Variants in MAX observed in about 807,000 individuals in gnomAD.
MAX encodes protein max.
Under a neutral mutation model 22.3 loss-of-function variants are expected in MAX, and 3 were observed. The ratio of observed to expected loss-of-function variants is 0.13; its 90% CI spans 0.06 to 0.35. MAX has a LOEUF of 0.35. MAX is among the 10% of genes least tolerant of loss of function. The pLI is 1.00. For missense variants in MAX, 119 were observed against 209.4 expected (o/e 0.57, Z 2.66); for synonymous variants, 72 against 77.7 (o/e 0.93, Z 0.39).
chr14:65,027,305 A>T lies in MAX; in HGVS notation c.172-21021T>A, dbSNP rs2062001355. 1 of 1,227,494 alleles carries T rather than the reference A, an allele frequency of 8.1e-7. No homozygotes were observed. The highest frequency in any genetic ancestry group is 1.5e-5 in the African/African-American group (1 of 66,386). The allele number at this position is 1,227,494 out of a possible 1,614,324, so 76.0% of individuals were successfully genotyped here. On this transcript the variant is annotated intron_variant, in intron 3 of 3. Transcript: ENST00000341653. This position sits in a 1 kb window ranked among gnomAD's most constrained non-coding sequence, Gnocchi z 5.7. ...AGAGAGAATTAAGCCCTTTGGGGAG[A>T]GGTTATATTCAACAAGTGGGAGGAG...
Position 65,077,733 on chromosome 14 carries a change from GC to G in MAX, c.295+179del. On this transcript the variant is annotated intron_variant, in intron 4 of 4. Coordinates refer to ENST00000358664, the MANE Select transcript of MAX (RefSeq NM_002382.5). The surrounding 1 kb of genome is among the most constrained non-coding windows in gnomAD (Gnocchi z 6.3). ...TAGCTTCCACTGTCTCCTCACTGGC[GC>G]CTCAGGTCCTTCCTCAGGACGGCTC... 6.2e-7 allele frequency: 1 copy of G among 1,602,264 alleles called. No homozygotes were observed. The highest frequency in any genetic ancestry group is 8.5e-7 in the Non-Finnish European group (1 of 1,175,548).
chr14:65,020,446 T>G (rs1056806739), intron 3 of MAX, among the ~76,000 whole-genome samples: 3 of 152,012 alleles, frequency 2.0e-5, no homozygotes, highest in Non-Finnish European at 2.9e-5. Context: ...TCTTTTTTTT[T>G]TGAGAGTCTC....
Position 65,032,478 on chromosome 14 carries a change from C to T in MAX, c.172-26194G>A, listed in dbSNP as rs1278866593. ...TCAGTTGGAGACCCAGGAGGACTGA[C>T]CGTGTGCCAAGAGTGAGGACAGGAG... On this transcript the variant is annotated intron_variant, in intron 3 of 3. Coordinates refer to the MAX transcript ENST00000341653. The surrounding 1 kb of genome is among the most constrained non-coding windows in gnomAD (Gnocchi z 5.0). 4 of 856,802 alleles carry T rather than the reference C, an allele frequency of 4.7e-6. No homozygotes were observed. Among genetic ancestry groups the T allele is most frequent in the Non-Finnish European group, 6.9e-6 (4 of 581,754 alleles). 53.1% of individuals were successfully genotyped at this position (856,802 alleles called of 1,614,324 possible).
Position 65,054,660 on chromosome 14 carries a change from G to A in MAX, c.171+39048C>T, listed in dbSNP as rs147425358. The A allele has an allele frequency of 2.5e-5, 40 of 1,612,916 alleles. No homozygotes were observed. The highest frequency in any genetic ancestry group is 6.7e-5 in the Admixed American group (4 of 59,916). On this transcript the variant is annotated intron_variant, in intron 3 of 3. Transcript: ENST00000341653. The surrounding 1 kb of genome is among the most constrained non-coding windows in gnomAD (Gnocchi z 4.4). ...CGGCAGCGGAGCCATGTTGCATGAT[G>A]TGGTCCTGGGTGTGCCCGAAAACGC...
chr14:65,085,287 CT>C (rs1164666933), intron 3 of MAX, among the ~76,000 whole-genome samples: 1 of 152,120 alleles, frequency 6.6e-6, no homozygotes, highest in Non-Finnish European at 1.5e-5. Flanking sequence ...TGCTAAATTT[CT>C]GTTGGGCAGC....
At chr14:65,064,782 T>C (rs1468949961) in intron 3 of MAX, among the ~76,000 whole-genome samples, 1 of 152,180 alleles carries the variant, frequency 6.6e-6, no homozygotes, top group African/African-American at 2.4e-5. Context: ...CAAATTAGGA[T>C]TGTTGCCAAA....
chr14:65,101,669 C>A (rs1352147877), intron 1 of MAX, 97 bp from the exon 2 acceptor site: 3 of 966,086 alleles, frequency 3.1e-6, no homozygotes, highest in Non-Finnish European at 4.8e-6. Context: ...GCAGAGGAAG[C>A]GGAGGGTGGG....
At chr14:65,063,800 AG>A in intron 3 of MAX, among the ~76,000 whole-genome samples, 1 of 152,156 alleles carries the variant, frequency 6.6e-6, no homozygotes, top group South Asian at 2.1e-4. Context: ...CCTGGGCTCA[AG>A]CAATCTTCCT....
At chr14:65,083,841 G>A (rs533712466) in intron 3 of MAX, 2 of 1,190,226 alleles carry the variant, frequency 1.7e-6, no homozygotes, top group African/African-American at 3.1e-5. Context: ...ACATATGAAG[G>A]TAAAGGGAGG....
intron 3 of MAX, among the ~76,000 whole-genome samples, chr14:65,034,623 T>G (rs2062150870): frequency 6.6e-6 from 1 of 152,158 alleles, no homozygotes; most frequent in African/African-American, 2.4e-5. Context: ...AGCTGGAGAG[T>G]AGGCACTGCC....
intron 3 of MAX, among the ~76,000 whole-genome samples, chr14:65,008,774 A>G (rs1332630453): frequency 6.6e-6 from 1 of 152,216 alleles, no homozygotes; most frequent in Non-Finnish European, 1.5e-5. Context: ...GTGGAGGCAC[A>G]TTGTGAAGAG....
rs2063039837 is a variant in MAX at position 65,075,686 on chromosome 14, A to G, written c.*790T>C. 3 of 1,066,216 alleles carry G rather than the reference A, an allele frequency of 2.8e-6. No individual in the cohort carries two copies. Among genetic ancestry groups the G allele is most frequent in the Middle Eastern group, 4.1e-4 (1 of 2,424 alleles). The allele number at this position is 1,066,216 out of a possible 1,614,324, so 66.0% of individuals were successfully genotyped here. A position where few individuals can be genotyped will look rare whatever the true frequency, so the allele number is the denominator to read the frequency against. ...CACTGGCCCTCAATACAAAACCTCT[A>G]TGCCACCCAAAACACCCTCCCTGTC... On this transcript the variant is annotated 3_prime_UTR_variant, in exon 5 of 5. Transcript: ENST00000358664. The surrounding 1 kb of genome is among the most constrained non-coding windows in gnomAD (Gnocchi z 4.1).
At position 65,093,545 on chromosome 14, in the gene MAX, C is replaced by T. The variant is rs1262047353; in HGVS notation, c.171+163G>A. The T allele has an allele frequency of 2.8e-5, 19 of 669,910 alleles. No individual in the cohort carries two copies. Among genetic ancestry groups the T allele is most frequent in the East Asian group, 1.4e-4 (5 of 36,608 alleles). The allele number at this position is 669,910 out of a possible 1,614,324, so 41.5% of individuals were successfully genotyped here. The stretch of plus-strand genomic sequence containing the variant: ...ATTTTGTTAAGGATAAACTGGAGTA[C>T]GTAAGGTGTGCAGTGATCCTCCAAA... On this transcript the variant is annotated intron_variant, in intron 3 of 4. Transcript: ENST00000358664. The surrounding 1 kb of genome is among the most constrained non-coding windows in gnomAD (Gnocchi z 4.4).
intron 3 of MAX, among the ~76,000 whole-genome samples, chr14:65,052,475 T>TA (rs1361788277): frequency 6.6e-6 from 1 of 152,250 alleles, no homozygotes; most frequent in Admixed American, 6.5e-5. Flanking sequence ...TGTATATATA[T>TA]TTTTAATCGA....
chr14:65,032,410 G>T lies in MAX; in HGVS notation c.172-26126C>A. 2.1e-6 allele frequency: 1 copy of T among 481,518 alleles called. No homozygotes were observed. Among genetic ancestry groups the T allele is most frequent in the African/African-American group, 2.0e-5 (1 of 49,940 alleles). 29.8% of individuals were successfully genotyped at this position (481,518 alleles called of 1,614,324 possible). A position where few individuals can be genotyped will look rare whatever the true frequency, so the allele number is the denominator to read the frequency against. ...TAGAATGTCATGTTCTTTCACTGAA[G>T]CCATGCCGTGAGCAACTCTATCCAA... On this transcript the variant is annotated intron_variant, in intron 3 of 3. Coordinates refer to the MAX transcript ENST00000341653. The surrounding 1 kb of genome is among the most constrained non-coding windows in gnomAD (Gnocchi z 5.0).
Position 65,093,731 on chromosome 14 carries a change from C to G in MAX, c.148G>C (p.Val50Leu). The G allele has an allele frequency of 6.2e-7, 1 of 1,607,904 alleles. No homozygotes were observed. The highest frequency in any genetic ancestry group is 8.5e-7 in the Non-Finnish European group (1 of 1,174,260). The change falls in exon 3 of 5, where the codon GTC (valine) becomes CTC (leucine). Residue 50 changes from valine to leucine, a missense_variant. This residue lies in a region of MAX where 95 missense variants were observed against 148.1 expected (regional missense o/e 0.64). Coordinates refer to ENST00000358664, the MANE Select transcript of MAX (RefSeq NM_002382.5). The surrounding 1 kb of genome is among the most constrained non-coding windows in gnomAD (Gnocchi z 4.4). ...KDSFHSLRDS[V>L]PSLQGEKASR... is the part of the protein sequence containing the mutation. ...ACCTTCTCTCCTTGGAGTGATGGGA[C>G]TGAGTCCCGCAAACTGTGAAAGCTG... is the stretch of plus-strand genomic sequence containing the variant.
chr14:65,060,976 G>A (rs139191226), intron 3 of MAX, among the ~76,000 whole-genome samples: 14 of 150,764 alleles, frequency 9.3e-5, no homozygotes, highest in African/African-American at 3.2e-4. Context: ...ATATTTAAAT[G>A]CGTGTTTATA....
chr14:65,009,736 G>A lies in MAX; in HGVS notation c.172-3452C>T, dbSNP rs1368094190. On this transcript the variant is annotated intron_variant, in intron 3 of 3. Transcript: ENST00000341653. The surrounding 1 kb of genome is among the most constrained non-coding windows in gnomAD (Gnocchi z 4.2). ...CCAGCTGAACTAAACTAACTCAAAT[G>A]TGTCATGGTGTTTTCTTCATTTTGC... Among the ~76,000 whole-genome samples the A allele has an allele frequency of 2.0e-5, 3 of 152,216 alleles. No homozygotes were observed. The East Asian group carries it at 5.8e-4, about 29-fold the overall frequency.
chr14:65,053,112 A>T, intron 3 of MAX: 1 of 653,224 alleles, frequency 1.5e-6, no homozygotes, highest in Non-Finnish European at 2.2e-6. Context: ...CAGTTGTACC[A>T]AGAATGAATG....
Sources: gnomAD v4.1 joint callset for allele counts (sites outside exome capture counted in the v4.1 genomes callset) on GRCh38, gnomAD v4.1.1 for gene constraint, gnomAD v4.1.1 regional missense constraint, Gnocchi (gnomAD v3.1) non-coding constraint, MANE v1.5 for transcripts, NCBI Gene and HGNC (gene_info 2026-07-23, HGNC 2026-07-21) for gene names.